Variants in ELP3 observed in about 807,000 individuals in gnomAD.
The protein encoded by ELP3 is elongator complex protein 3.
In ELP3, 56 loss-of-function variants were observed where a neutral mutation model predicts 74.9. The ratio of observed to expected loss-of-function variants is 0.75; its 90% confidence interval spans 0.60 to 0.93. The LOEUF (loss-of-function observed/expected upper bound fraction) is 0.93. ELP3 is among the 40% of genes least tolerant of loss of function. ELP3 has a pLI of 0.00. For missense variants in ELP3, 573 were observed against 686.5 expected, an observed-to-expected ratio of 0.83 and a Z score of 1.85; for synonymous variants, 222 against 239.8, an observed-to-expected ratio of 0.93 and a Z score of 0.68.
chr8:28,109,420 C>A (rs918216170), intron 5 of ELP3, among the ~76,000 whole-genome samples: 9 of 152,042 alleles, frequency 5.9e-5, no homozygotes, highest in African/African-American at 2.2e-4. Flanking sequence ...CATTCCTATC[C>A]CCTAGCCACT....
Position 28,147,077 on chromosome 8 carries a change from A to T in ELP3, c.1101-8865A>T, listed in dbSNP as rs938684457. Among the ~76,000 whole-genome samples, 1 of 152,112 alleles carries T rather than the reference A, an allele frequency of 6.6e-6. No individual in the cohort carries two copies. The highest frequency in any genetic ancestry group is 1.5e-5 in the Non-Finnish European group (1 of 68,018). On this transcript the variant is annotated intron_variant, in intron 10 of 14. Coordinates refer to ENST00000256398, the MANE Select transcript of ELP3 (RefSeq NM_018091.6). The surrounding 1 kb of genome is among the most constrained non-coding windows in gnomAD (Gnocchi z 4.5). ...TTAATAATTTTTTTCACAAGGACTC[A>T]TGTTCTCATTTTGCACCGGGCCCCA...
At chr8:28,160,737 C>T (rs544784331) in intron 13 of ELP3, among the ~76,000 whole-genome samples, 40 of 152,104 alleles carry the variant, frequency 2.6e-4, no homozygotes, top group Admixed American at 4.6e-4. Context: ...CTTTGTCACC[C>T]AGGCCAGAGT....
chr8:28,157,501 T>C (rs1310458639), intron 11 of ELP3, among the ~76,000 whole-genome samples: 1 of 152,200 alleles, frequency 6.6e-6, no homozygotes, highest in Non-Finnish European at 1.5e-5. Flanking sequence ...CAAAGCATTG[T>C]CTTGAGCTAG....
intron 14 of ELP3, among the ~76,000 whole-genome samples, chr8:28,187,786 T>C (rs1002209968): frequency 6.6e-6 from 1 of 151,878 alleles, no homozygotes; most frequent in Non-Finnish European, 1.5e-5. Context: ...TACCAGGAGT[T>C]GGGTTTTTGA....
chr8:28,188,844 G>T (rs1815344605), intron 14 of ELP3, among the ~76,000 whole-genome samples: 1 of 152,300 alleles, frequency 6.6e-6, no homozygotes, highest in South Asian at 2.1e-4. Flanking sequence ...GCAGTTGTAG[G>T]CAACCTGCAG....
intron 3 of ELP3, among the ~76,000 whole-genome samples, chr8:28,101,230 C>T (rs925597842): frequency 6.6e-6 from 1 of 151,510 alleles, no homozygotes; most frequent in East Asian, 1.9e-4. Context: ...CTGGCTAACA[C>T]GACGAAAGCC....
chr8:28,093,341 C>T (rs1416817615), intron 1 of ELP3, 108 bp downstream of exon 1: 3 of 1,470,164 alleles, frequency 2.0e-6, no homozygotes, highest in Admixed American at 4.1e-5. Flanking sequence ...CTACCCAGTC[C>T]AGTCGCCCCG....
intron 14 of ELP3, among the ~76,000 whole-genome samples, chr8:28,172,933 T>G (rs1814589972): frequency 6.6e-6 from 1 of 152,084 alleles, no homozygotes; most frequent in Admixed American, 6.5e-5. Context: ...TTTGGTTTAT[T>G]ACATTGATTT....
chr8:28,106,568 GAAAT>G (rs1811703795), intron 3 of ELP3, 141 bp from the exon 4 acceptor site: 1 of 250,160 alleles, frequency 4.0e-6, no homozygotes, highest in Non-Finnish European at 8.3e-6. Context: ...AAAAAAAAAA[GAAAT>G]ACAGCCTCGT....
chr8:28,137,661 A>G (rs1327991249), intron 9 of ELP3, 37 bp from the exon 10 acceptor site: 3 of 1,595,172 alleles, frequency 1.9e-6, no homozygotes, highest in Non-Finnish European at 2.6e-6. Flanking sequence ...TCTCTGCATA[A>G]CTAATGGAGA....
At chr8:28,143,065 G>A (rs913144881) in intron 10 of ELP3, among the ~76,000 whole-genome samples, 3 of 151,980 alleles carry the variant, frequency 2.0e-5, no homozygotes, top group African/African-American at 7.3e-5. Flanking sequence ...TCATTTCTTT[G>A]TATATACCAC....
intron 10 of ELP3, among the ~76,000 whole-genome samples, chr8:28,148,249 T>C (rs1337943473): frequency 6.6e-6 from 1 of 152,164 alleles, no homozygotes; most frequent in Non-Finnish European, 1.5e-5. Context: ...CATCAGTCAA[T>C]ATGAGACTAG....
chr8:28,160,209 T>G lies in ELP3; in HGVS notation c.1258-20T>G. ...TTCTTTAATTTTGAATAATATTTTT[T>G]GTGGCTTTTTACTAAATAGGTTGAA... On this transcript the variant is annotated intron_variant, in intron 12 of 14. Coordinates refer to ENST00000256398, the MANE Select transcript of ELP3 (RefSeq NM_018091.6). 6.3e-7 allele frequency: 1 copy of G among 1,593,634 alleles called. No homozygotes were observed. Among genetic ancestry groups the G allele is most frequent in the Non-Finnish European group, 8.5e-7 (1 of 1,169,744 alleles).
At chr8:28,164,326 T>A (rs1814221905) in intron 14 of ELP3, among the ~76,000 whole-genome samples, 1 of 152,206 alleles carries the variant, frequency 6.6e-6, no homozygotes, top group Non-Finnish European at 1.5e-5. Flanking sequence ...CTTTTTATCA[T>A]AATCTAAATA....
At chr8:28,090,478 G>GGGGT (rs1554492414), upstream of ELP3, 8 of 227,318 alleles carry the variant, frequency 3.5e-5, no homozygotes, top group East Asian at 6.0e-4. Flanking sequence ...TAGTCTGATG[G>GGGGT]GTGGGTGTGT....
intron 14 of ELP3, among the ~76,000 whole-genome samples, chr8:28,166,270 C>T (rs2130567021): frequency 6.6e-6 from 1 of 152,250 alleles, no homozygotes; most frequent in African/African-American, 2.4e-5. Flanking sequence ...TAAGTTTTCT[C>T]CCTACTTAGA....
chr8:28,131,371 T>G (rs1398502314), intron 8 of ELP3, among the ~76,000 whole-genome samples: 1 of 152,252 alleles, frequency 6.6e-6, no homozygotes, highest in Non-Finnish European at 1.5e-5. Context: ...AATAACCACA[T>G]GTGCCTAGTG....
intron 5 of ELP3, among the ~76,000 whole-genome samples, chr8:28,108,363 G>A (rs530125648): frequency 1.3e-5 from 2 of 152,096 alleles, no homozygotes; most frequent in African/African-American, 2.4e-5. Context: ...ACCAGGTTTC[G>A]AAGTCTGTGC....
chr8:28,174,288 A>G (rs1235102673), intron 14 of ELP3, among the ~76,000 whole-genome samples: 1 of 152,082 alleles, frequency 6.6e-6, no homozygotes, highest in Non-Finnish European at 1.5e-5. Flanking sequence ...TGTTAGGTGC[A>G]TATATGTTGA....
Sources: gnomAD v4.1 joint callset for allele counts (sites outside exome capture counted in the v4.1 genomes callset) on GRCh38, gnomAD v4.1.1 for gene constraint, Gnocchi (gnomAD v3.1) non-coding constraint, MANE v1.5 for transcripts, NCBI Gene and HGNC (gene_info 2026-07-23, HGNC 2026-07-21) for gene names.